CEP135: variants seen among roughly 807,000 people sequenced by gnomAD.
The protein encoded by CEP135 is centrosomal protein of 135 kDa.
In CEP135, 142 loss-of-function variants were observed where a neutral mutation model predicts 157.3. That is an observed-to-expected ratio of 0.90 (90% CI 0.79 to 1.04). The LOEUF is 1.04. Ranked by LOEUF, CEP135 falls within the 50% of genes least tolerant of loss-of-function variation. The pLI, the probability that CEP135 is intolerant of heterozygous loss-of-function variation, is 0.00. For synonymous variants in CEP135, 396 were observed against 439.8 expected (o/e 0.90, Z 1.25); for missense variants, 1,317 against 1,309.2 (o/e 1.01, Z -0.09).
rs1408984296 is a variant in CEP135, at chr4:55,975,113, A to G, written c.1473+144A>G. ...CTTGTTTTCTTTTATGGCCTGCACTATAGGAACACTACATTAATTAGGAAA... is the reference window on the plus strand; with the variant it reads ...CTTGTTTTCTTTTATGGCCTGCACTGTAGGAACACTACATTAATTAGGAAA... On this transcript the variant is annotated intron_variant, in intron 11 of 25. Transcript: ENST00000257287. 8.7e-6 allele frequency: 5 copies of G among 577,324 alleles called. No individual in the cohort carries two copies. The African/African-American group carries it at 9.4e-5, about 11-fold the overall frequency. The allele number at this position is 577,324 out of a possible 1,614,324, so 35.8% of individuals were successfully genotyped here.
intron 10 of CEP135, among the ~76,000 whole-genome samples, chr4:55,973,029 GAA>G (rs914188463): frequency 6.1e-5 from 9 of 147,240 alleles, no homozygotes; most frequent in Middle Eastern, 3.5e-3. Flanking sequence ...GAAACTGTGT[GAA>G]AAAAAAAAAG....
chr4:55,981,671 G>A (rs1054058730), intron 13 of CEP135, among the ~76,000 whole-genome samples: 14 of 152,264 alleles, frequency 9.2e-5, no homozygotes, highest in Middle Eastern at 3.4e-3. Context: ...AACTTAAGCA[G>A]AAGTTTCTCA....
intron 23 of CEP135, among the ~76,000 whole-genome samples, chr4:56,020,419 A>G (rs895612217): frequency 2.0e-5 from 3 of 152,240 alleles, no homozygotes; most frequent in African/African-American, 4.8e-5. Context: ...GACACTTTAC[A>G]TCTTGGTGTT....
chr4:55,951,867 G>T (rs993331607), intron 1 of CEP135, among the ~76,000 whole-genome samples: 6 of 152,136 alleles, frequency 3.9e-5, no homozygotes, highest in African/African-American at 1.4e-4. Flanking sequence ...GAAGCTTTAG[G>T]ATTTTAACTT....
intron 13 of CEP135, 71 bp downstream of exon 13, chr4:55,981,450 G>A (rs755534689): frequency 1.3e-5 from 19 of 1,417,188 alleles, no homozygotes; most frequent in Non-Finnish European, 1.6e-5. Context: ...ACATTTTCCT[G>A]TGAAGTTACT....
chr4:55,991,417 A>T (rs1729791661), intron 14 of CEP135, among the ~76,000 whole-genome samples: 1 of 143,048 alleles, frequency 7.0e-6, no homozygotes, highest in South Asian at 2.2e-4. Context: ...CATTGAATTT[A>T]CTATTATTTG....
chr4:56,014,156 A>G (rs1250293565), intron 21 of CEP135, among the ~76,000 whole-genome samples: 2 of 152,154 alleles, frequency 1.3e-5, no homozygotes, highest in African/African-American at 2.4e-5. Flanking sequence ...AATAATTTCT[A>G]TTTTTTTAGG....
intron 6 of CEP135, among the ~76,000 whole-genome samples, chr4:55,961,901 T>G (rs1427770385): frequency 2.0e-5 from 3 of 151,984 alleles, no homozygotes; most frequent in Non-Finnish European, 4.4e-5. Flanking sequence ...AGGGTATTGT[T>G]CTTCCTGTTT....
At position 55,957,377 on chromosome 4, in the gene CEP135, A is replaced by G. The variant is rs367901491; in HGVS notation, c.614+13A>G. 186 of 1,604,582 alleles carry G rather than the reference A, an allele frequency of 1.2e-4. No homozygotes were observed. The highest frequency in any genetic ancestry group is 1.5e-4 in the Non-Finnish European group (179 of 1,177,578). On this transcript the variant is annotated intron_variant, in intron 5 of 25. Transcript: ENST00000257287. ...TGGCTGATAACAGGTGCATTAAATA[A>G]TTCTTTCTTGGCTTGAGTTAATTGA...
chr4:55,974,818 C>T lies in CEP135; in HGVS notation c.1322C>T (p.Ser441Phe), dbSNP rs778399202. The T allele has an allele frequency of 2.5e-6, 4 of 1,613,888 alleles. No homozygotes were observed. Among genetic ancestry groups the T allele is most frequent in the Non-Finnish European group, 2.5e-6 (3 of 1,179,894 alleles). ...ATAAAACGTCGAGACAGGTCACCTT[C>T]TCGTTTAGATACATTTCTGAAAGGT... Reference protein sequence around the residue: ...HGIKRRDRSPSRLDTFLKGIE... With the variant: ...HGIKRRDRSPFRLDTFLKGIE... The change falls in exon 11 of 26, where the codon TCT becomes TTT. Residue 441 changes from serine to phenylalanine, a missense_variant. Physicochemically the swap from Ser to Phe is radical, Grantham distance 155. Transcript: ENST00000257287.
intron 17 of CEP135, among the ~76,000 whole-genome samples, chr4:56,003,196 C>CT (rs199731440): frequency 0.024 from 3,627 of 150,790 alleles, 76 homozygotes; most frequent in Middle Eastern, 0.085. Flanking sequence ...TTTGTATTTT[C>CT]TTTTTTTTTG....
rs766477263 is a variant in CEP135, at chr4:56,019,334, T to TA, written c.3013-18dup. On this transcript the variant is annotated intron_variant, in intron 22 of 25. Transcript: ENST00000257287. The stretch of plus-strand genomic sequence containing the variant: ...GTTTAAAATTGTACTGAAGTAATCT[T>TA]ACTTTGTTTTTCACGTAGGTTGTGG... 1 of 1,590,372 alleles carries TA rather than the reference T, an allele frequency of 6.3e-7. No individual in the cohort carries two copies. Among genetic ancestry groups the TA allele is most frequent in the East Asian group, 2.2e-5 (1 of 44,534 alleles).
chr4:55,965,447 GTCA>G (rs1240241752), intron 7 of CEP135, 194 bp from the exon 8 acceptor site: 1 of 450,620 alleles, frequency 2.2e-6, no homozygotes, highest in Admixed American at 4.1e-5. Context: ...GAAAATCAAA[GTCA>G]ATGGATATGT....
intron 19 of CEP135, 78 bp downstream of exon 19, chr4:56,009,981 T>C (rs973261926): frequency 7.4e-7 from 1 of 1,355,026 alleles, no homozygotes; most frequent in Non-Finnish European, 1.0e-6. Context: ...AAATATTTTT[T>C]CTAAAATCTG....
intron 15 of CEP135, among the ~76,000 whole-genome samples, chr4:55,995,687 A>G (rs1031014837): frequency 2.6e-5 from 4 of 152,368 alleles, no homozygotes; most frequent in South Asian, 4.1e-4. Flanking sequence ...CCATTTAAAC[A>G]TGTAAAAACC....
At chr4:55,968,348 G>A (rs1045387823) in intron 8 of CEP135, among the ~76,000 whole-genome samples, 8 of 148,666 alleles carry the variant, frequency 5.4e-5, no homozygotes, top group Non-Finnish European at 8.9e-5. Context: ...CAAATTCAGC[G>A]CATTCCCTAT....
In CEP135 at chr4:55,954,604, A is replaced by G. The variant is rs75072956; in HGVS notation, c.472+221A>G. 0.066 allele frequency among the ~76,000 whole-genome samples: 10,082 copies of G among 152,232 alleles called. 474 individuals carry two copies. The highest frequency in any genetic ancestry group is 0.085 in the Middle Eastern group (25 of 294). On this transcript the variant is annotated intron_variant, in intron 4 of 25. Coordinates refer to ENST00000257287, the MANE Select transcript of CEP135 (RefSeq NM_025009.5). ...TGTATGTAGTATTAGTTACTTAGAT[A>G]CTAGTCTAACTTTAATGCCCAGAGC...
intron 17 of CEP135, among the ~76,000 whole-genome samples, chr4:56,000,380 G>T (rs1336450675): frequency 1.3e-5 from 2 of 151,940 alleles, no homozygotes; most frequent in African/African-American, 4.8e-5. Flanking sequence ...TTTGAAATGT[G>T]CGCTGGATTG....
intron 15 of CEP135, among the ~76,000 whole-genome samples, chr4:55,996,695 A>G (rs1288511173): frequency 6.6e-6 from 1 of 151,848 alleles, no homozygotes; most frequent in Non-Finnish European, 1.5e-5. Flanking sequence ...AAAAACAGGG[A>G]TACCACATCA....
Sources: gnomAD v4.1 joint callset for allele counts (sites outside exome capture counted in the v4.1 genomes callset) on GRCh38, gnomAD v4.1.1 for gene constraint, MANE v1.5 for transcripts, NCBI Gene and HGNC (gene_info 2026-07-23, HGNC 2026-07-21) for gene names.